Variants in F13A1 observed in about 807,000 individuals in gnomAD.
F13A1 encodes coagulation factor XIII A chain.
Under a neutral mutation model 80.1 loss-of-function variants are expected in F13A1, and 47 were observed. The observed-to-expected ratio is 0.59, with a 90% confidence interval of 0.46 to 0.75. The LOEUF is 0.75. F13A1 is among the 30% of genes least tolerant of loss of function. The probability of loss-of-function intolerance (pLI) is 0.00; values close to 1 mark genes in which losing one functional copy is unlikely to be tolerated. For missense variants in F13A1, 817 were observed against 930.4 expected (o/e 0.88, Z 1.59); for synonymous variants, 349 against 344.9 (o/e 1.01, Z -0.13).
At chr6:6,265,250 C>T (rs1227699093) in intron 4 of F13A1, among the ~76,000 whole-genome samples, 1 of 152,164 alleles carries the variant, frequency 6.6e-6, no homozygotes, top group Non-Finnish European at 1.5e-5. Context: ...AAGGATCATT[C>T]AAAATCAGCA....
intron 3 of F13A1, among the ~76,000 whole-genome samples, chr6:6,285,400 G>A (rs557457166): frequency 6.6e-6 from 1 of 152,334 alleles, no homozygotes; most frequent in African/African-American, 2.4e-5. Context: ...AACAGAATTG[G>A]AAAGGAAATA....
chr6:6,167,896 G>A (rs992990722), intron 12 of F13A1, among the ~76,000 whole-genome samples: 1 of 152,186 alleles, frequency 6.6e-6, no homozygotes. Context: ...GAAATGCCAT[G>A]GAAAAGATGT....
At chr6:6,147,850 T>C (rs533076635) in intron 14 of F13A1, among the ~76,000 whole-genome samples, 1 of 152,306 alleles carries the variant, frequency 6.6e-6, no homozygotes, top group South Asian at 2.1e-4. Flanking sequence ...GAGAAAAAAG[T>C]ATTTTGATAA....
chr6:6,240,841 TC>T (rs1204919813), intron 6 of F13A1, among the ~76,000 whole-genome samples: 1 of 152,206 alleles, frequency 6.6e-6, no homozygotes, highest in Non-Finnish European at 1.5e-5. Context: ...ATCATTGAAT[TC>T]CCTGGGTCAT....
chr6:6,304,877 A>C (rs913820001), intron 3 of F13A1, among the ~76,000 whole-genome samples: 2 of 151,900 alleles, frequency 1.3e-5, no homozygotes, highest in African/African-American at 2.4e-5. Context: ...AAAAAAAAAA[A>C]AAAGGGTGAT....
chr6:6,192,722 G>T (rs1761222609), intron 10 of F13A1, among the ~76,000 whole-genome samples: 1 of 152,184 alleles, frequency 6.6e-6, no homozygotes, highest in Admixed American at 6.5e-5. Context: ...TGAGTGATGA[G>T]ATGGTTGCTG....
chr6:6,200,960 G>A lies in F13A1; in HGVS notation c.1113-3634C>T, dbSNP rs566535094. Among the ~76,000 whole-genome samples, 4 of 152,258 alleles carry A rather than the reference G, an allele frequency of 2.6e-5. No individual in the cohort carries two copies. The South Asian group carries it at 8.3e-4, about 32-fold the overall frequency. On this transcript the variant is annotated intron_variant, in intron 8 of 14. Coordinates refer to ENST00000264870, the MANE Select transcript of F13A1 (RefSeq NM_000129.4). ...CAATGACTCTGCTAGCCTCTCTCCA[G>A]AGCAGTGAAGGTTGCCCCATCAGGC...
At chr6:6,249,469 T>C (rs3024387) in intron 5 of F13A1, among the ~76,000 whole-genome samples, 68,807 of 152,078 alleles carry the variant, frequency 0.45, 17,707 homozygotes, top group African/African-American at 0.7. Context: ...ACTGTAAACA[T>C]GCTTGGCTGG....
At chr6:6,287,283 G>A (rs149400037) in intron 3 of F13A1, among the ~76,000 whole-genome samples, 264 of 152,288 alleles carry the variant, frequency 1.7e-3, no homozygotes, top group African/African-American at 6.0e-3. Flanking sequence ...TAGAATTTAT[G>A]TGGAAAAGCC....
intron 6 of F13A1, among the ~76,000 whole-genome samples, chr6:6,235,563 G>C (rs188826381): frequency 6.6e-6 from 1 of 151,904 alleles, no homozygotes; most frequent in African/African-American, 2.4e-5. Context: ...TTAAGGAAAT[G>C]CAAATCAAAA....
At chr6:6,300,124 G>A (rs1325936212) in intron 3 of F13A1, among the ~76,000 whole-genome samples, 11 of 143,172 alleles carry the variant, frequency 7.7e-5, no homozygotes, top group Non-Finnish European at 1.2e-4. Flanking sequence ...CTCCAGCTGT[G>A]TGCTGGGAGA....
chr6:6,163,491 C>T (rs557617674), intron 13 of F13A1, among the ~76,000 whole-genome samples: 34 of 152,298 alleles, frequency 2.2e-4, no homozygotes, highest in Non-Finnish European at 4.3e-4. Flanking sequence ...TCCCACGCCG[C>T]ACCCTGCACC....
At chr6:6,251,573 C>T (rs1334848442) in intron 4 of F13A1, among the ~76,000 whole-genome samples, 1 of 152,186 alleles carries the variant, frequency 6.6e-6, no homozygotes, top group South Asian at 2.1e-4. Context: ...CGTCTATCAT[C>T]AGTCTGGTAC....
chr6:6,266,824 A>T lies in F13A1; in HGVS notation c.320-15T>A, dbSNP rs1298555757. 1 of 1,614,124 alleles carries T rather than the reference A, an allele frequency of 6.2e-7. No homozygotes were observed. Among genetic ancestry groups the T allele is most frequent in the South Asian group, 1.1e-5 (1 of 91,084 alleles). On this transcript the variant is annotated splice_polypyrimidine_tract_variant and intron_variant, in intron 3 of 14. Transcript: ENST00000264870. ...TGGGTAGCGACCTATGAGAAGAGAG[A>T]AGAAATACTCTGTTAGGTTGATTTC...
chr6:6,179,796 C>G (rs901119410), intron 11 of F13A1, among the ~76,000 whole-genome samples: 11 of 152,194 alleles, frequency 7.2e-5, no homozygotes, highest in African/African-American at 2.7e-4. Flanking sequence ...GTCCCTCTCC[C>G]TCAGCCTTGC....
intron 8 of F13A1, among the ~76,000 whole-genome samples, chr6:6,209,256 G>C (rs1761552708): frequency 6.7e-6 from 1 of 149,546 alleles, no homozygotes; most frequent in South Asian, 2.1e-4. Flanking sequence ...TTGGTCATTA[G>C]AGAAATGAAA....
chr6:6,210,876 G>GCA (rs1761595610), intron 8 of F13A1, among the ~76,000 whole-genome samples: 1 of 152,084 alleles, frequency 6.6e-6, no homozygotes, highest in African/African-American at 2.4e-5. Flanking sequence ...TTACAGGCAT[G>GCA]CACCACCACG....
chr6:6,240,701 C>T (rs927919425), intron 6 of F13A1, among the ~76,000 whole-genome samples: 6 of 152,100 alleles, frequency 3.9e-5, no homozygotes, highest in Non-Finnish European at 8.8e-5. Flanking sequence ...CACTGGCTTC[C>T]AATATATCTG....
At chr6:6,178,312 G>C (rs560321169) in intron 11 of F13A1, among the ~76,000 whole-genome samples, 1 of 152,282 alleles carries the variant, frequency 6.6e-6, no homozygotes, top group South Asian at 2.1e-4. Context: ...ACTATATTAA[G>C]AGTTGTACAC....
Sources: gnomAD v4.1 joint callset for allele counts (sites outside exome capture counted in the v4.1 genomes callset) on GRCh38, gnomAD v4.1.1 for gene constraint, MANE v1.5 for transcripts, NCBI Gene and HGNC (gene_info 2026-07-23, HGNC 2026-07-21) for gene names.